Variants in FOXK2 observed in about 807,000 individuals in gnomAD.
The protein encoded by FOXK2 is forkhead box protein K2.
A neutral mutation model predicts 53.3 loss-of-function variants in FOXK2; 24 were observed. The ratio of observed to expected loss-of-function variants is 0.45; its 90% CI spans 0.33 to 0.63. The LOEUF (loss-of-function observed/expected upper bound fraction) is 0.63. Ranked by LOEUF, FOXK2 falls within the 30% of genes least tolerant of loss-of-function variation. The pLI is 0.03. For synonymous variants in FOXK2, 505 were observed against 407.1 expected, an observed-to-expected ratio of 1.24 and a Z score of -2.89; for missense variants, 952 against 910.5, an observed-to-expected ratio of 1.05 and a Z score of -0.59.
At chr17:82,546,644 T>C (rs750231172) in intron 1 of FOXK2, among the ~76,000 whole-genome samples, 9 of 151,828 alleles carry the variant, frequency 5.9e-5, no homozygotes, top group Non-Finnish European at 1.2e-4. Flanking sequence ...TTCCTTTTTT[T>C]TAAACGGTGA....
intron 1 of FOXK2, among the ~76,000 whole-genome samples, chr17:82,557,232 A>G (rs551509299): frequency 5.4e-5 from 8 of 149,030 alleles, no homozygotes; most frequent in African/African-American, 2.0e-4. Flanking sequence ...GGGTTTCTCC[A>G]TGTTGGTCAG....
chr17:82,574,321 C>CTTTT (rs750973206), intron 4 of FOXK2, among the ~76,000 whole-genome samples: 13 of 137,214 alleles, frequency 9.5e-5, no homozygotes, highest in African/African-American at 3.2e-4. Context: ...TACTCTCTCT[C>CTTTT]TTTTTTTTTT....
At chr17:82,593,683 G>A (rs2143160598) in intron 8 of FOXK2, 1 of 152,510 alleles carries the variant, frequency 6.6e-6, no homozygotes, top group East Asian at 1.9e-4. Flanking sequence ...GAGGCTGCGG[G>A]TCCCTTGTGG....
chr17:82,573,648 C>T (rs1025499713), intron 4 of FOXK2, among the ~76,000 whole-genome samples: 10 of 151,720 alleles, frequency 6.6e-5, no homozygotes, highest in African/African-American at 7.3e-5. Flanking sequence ...GGCTTTATGG[C>T]TTTGTCAAGG....
intron 3 of FOXK2, among the ~76,000 whole-genome samples, chr17:82,569,904 G>A (rs557207681): frequency 2.1e-5 from 3 of 143,464 alleles, no homozygotes. Context: ...GGGTCTTCTT[G>A]TGATTACATT....
intron 4 of FOXK2, chr17:82,577,338 C>A (rs2045000295): frequency 3.9e-6 from 3 of 761,922 alleles, no homozygotes; most frequent in South Asian, 1.5e-5. Flanking sequence ...ACAGCAAATT[C>A]ATCAGAGGTG....
chr17:82,567,959 T>G, intron 2 of FOXK2, 95 bp from the exon 3 acceptor site: 1 of 846,676 alleles, frequency 1.2e-6, no homozygotes, highest in Non-Finnish European at 1.7e-6. Context: ...AACATTTCTG[T>G]ATTTGTTATC....
At chr17:82,579,069 C>G (rs979655929) in intron 4 of FOXK2, among the ~76,000 whole-genome samples, 1 of 150,436 alleles carries the variant, frequency 6.6e-6, no homozygotes, top group Non-Finnish European at 1.5e-5. Context: ...TCTGAGTCCC[C>G]GCTTAGGAGG....
intron 1 of FOXK2, among the ~76,000 whole-genome samples, chr17:82,544,238 G>A (rs777110645): frequency 5.3e-5 from 8 of 152,116 alleles, no homozygotes; most frequent in Non-Finnish European, 8.8e-5. Context: ...AAATTCTTTG[G>A]CTTTTACATT....
intron 3 of FOXK2, 105 bp from the exon 4 acceptor site, chr17:82,571,619 G>C: frequency 1.8e-6 from 2 of 1,137,742 alleles, no homozygotes; most frequent in Non-Finnish European, 2.3e-6. Flanking sequence ...GACAAATGAG[G>C]TATCAGAGGA....
At chr17:82,586,869 C>A (rs937275492) in intron 7 of FOXK2, among the ~76,000 whole-genome samples, 194 bp from the exon 8 acceptor site, 1 of 151,990 alleles carries the variant, frequency 6.6e-6, no homozygotes, top group African/African-American at 2.4e-5. Flanking sequence ...CCATTGGACT[C>A]CAGCTTGGGT....
intron 4 of FOXK2, chr17:82,578,429 G>C (rs921575176): frequency 1.3e-5 from 2 of 152,086 alleles, no homozygotes; most frequent in East Asian, 3.8e-4. Context: ...AACAGCCCAC[G>C]TTTTCTCTGA....
Position 82,602,955 on chromosome 17 carries a change from T to TA in FOXK2, c.*1456_*1457insA, listed in dbSNP as rs2143193739. 6.5e-6 allele frequency: 1 copy of TA among 152,694 alleles called. No individual in the cohort carries two copies. The highest frequency in any genetic ancestry group is 2.4e-5 in the African/African-American group (1 of 41,554). The allele number at this position is 152,694 out of a possible 1,614,324, so 9.5% of individuals were successfully genotyped here. On this transcript the variant is annotated 3_prime_UTR_variant, in exon 9 of 9. Transcript: ENST00000335255. ...GAGGAAAAAACCTGTATTTTCCTGG[T>TA]GGGATGAAATAGGGATGAAATGGCT... is the stretch of plus-strand genomic sequence containing the variant.
At chr17:82,547,564 A>T (rs1337719008) in intron 1 of FOXK2, among the ~76,000 whole-genome samples, 1 of 152,126 alleles carries the variant, frequency 6.6e-6, no homozygotes, top group Non-Finnish European at 1.5e-5. Context: ...TACAGTGTGC[A>T]ATACTGTAAT....
intron 1 of FOXK2, among the ~76,000 whole-genome samples, chr17:82,528,551 A>G (rs2044441311): frequency 6.6e-6 from 1 of 152,200 alleles, no homozygotes; most frequent in Non-Finnish European, 1.5e-5. Context: ...GCTAAAATGC[A>G]GTACAGGAGG....
At chr17:82,539,853 C>A (rs2044557923) in intron 1 of FOXK2, among the ~76,000 whole-genome samples, 1 of 151,558 alleles carries the variant, frequency 6.6e-6, no homozygotes, top group African/African-American at 2.4e-5. Context: ...GTAATCCCAG[C>A]TACTCAAGAG....
At chr17:82,552,181 G>A (rs987048500) in intron 1 of FOXK2, among the ~76,000 whole-genome samples, 2 of 152,248 alleles carry the variant, frequency 1.3e-5, no homozygotes, top group Admixed American at 6.5e-5. Flanking sequence ...ACATGTTGAA[G>A]GCTTACAAAT....
intron 1 of FOXK2, among the ~76,000 whole-genome samples, chr17:82,553,658 G>A (rs1488033763): frequency 1.3e-5 from 2 of 152,190 alleles, no homozygotes; most frequent in African/African-American, 4.8e-5. Context: ...GCGTGGCTGC[G>A]AAGAGGCCCC....
chr17:82,525,136 C>T (rs930912986), intron 1 of FOXK2, among the ~76,000 whole-genome samples: 8 of 151,590 alleles, frequency 5.3e-5, no homozygotes, highest in African/African-American at 1.2e-4. Flanking sequence ...CCACCATGCC[C>T]GGCTAATTTT....
Sources: allele counts gnomAD v4.1 joint callset (sites outside exome capture counted in the v4.1 genomes callset), GRCh38; gene constraint gnomAD v4.1.1; transcripts MANE v1.5; gene names NCBI Gene and HGNC (gene_info 2026-07-23, HGNC 2026-07-21).